The following ATP6V1H variants were observed in gnomAD, a reference collection of about 807,000 sequenced individuals.
ATP6V1H encodes the protein ATPase H+ transporting V1 subunit H.
Under a neutral mutation model 71.7 loss-of-function variants are expected in ATP6V1H, and 39 were observed. The ratio of observed to expected loss-of-function variants is 0.54; its 90% CI spans 0.42 to 0.71. ATP6V1H has a LOEUF of 0.71. ATP6V1H is among the 30% of genes least tolerant of loss of function. The probability of loss-of-function intolerance (pLI) is 0.00; values close to 1 mark genes in which losing one functional copy is unlikely to be tolerated. For missense variants in ATP6V1H, 509 were observed against 594.9 expected (o/e 0.86, Z 1.50); for synonymous variants, 192 against 199.3 (o/e 0.96, Z 0.31).
At chr8:53,834,888 T>G (rs940298301) in intron 2 of ATP6V1H, among the ~76,000 whole-genome samples, 1 of 147,000 alleles carries the variant, frequency 6.8e-6, no homozygotes, top group African/African-American at 2.5e-5. Flanking sequence ...ATGCCTGTAA[T>G]CCCAGCACTT....
intron 9 of ATP6V1H, among the ~76,000 whole-genome samples, chr8:53,783,757 G>A (rs2130372169): frequency 6.6e-6 from 1 of 152,250 alleles, no homozygotes; most frequent in African/African-American, 2.4e-5. Flanking sequence ...GTTCTCATTG[G>A]TTTCAAAGAA....
At chr8:53,819,890 C>T (rs1207755679) in intron 4 of ATP6V1H, among the ~76,000 whole-genome samples, 1 of 150,118 alleles carries the variant, frequency 6.7e-6, no homozygotes, top group Non-Finnish European at 1.5e-5. Flanking sequence ...ATACCAGCTA[C>T]CTAAATCTGA....
At chr8:53,759,447 T>C (rs1197493783) in intron 11 of ATP6V1H, among the ~76,000 whole-genome samples, 1 of 152,216 alleles carries the variant, frequency 6.6e-6, no homozygotes, top group East Asian at 1.9e-4. Flanking sequence ...AATAGATTCA[T>C]CAACCACAAT....
At position 53,790,188 on chromosome 8, in the gene ATP6V1H, A is replaced by G. The variant is rs554263096; in HGVS notation, c.870+5459T>C. 5.3e-4 allele frequency among the ~76,000 whole-genome samples: 80 copies of G among 152,354 alleles called. 3 individuals are homozygous for G. The highest frequency in any genetic ancestry group is 6.8e-3 in the Middle Eastern group (2 of 294). ...TGTTTTTACTTCTCTCTTAATTTTT[A>G]AAATGTGAACATTCAGTAACTGGGC... is the stretch of plus-strand genomic sequence containing the variant. On this transcript the variant is annotated intron_variant, in intron 9 of 13. Coordinates refer to ENST00000359530, the MANE Select transcript of ATP6V1H (RefSeq NM_015941.4).
At chr8:53,797,995 A>G (rs1425798293) in intron 8 of ATP6V1H, among the ~76,000 whole-genome samples, 2 of 152,238 alleles carry the variant, frequency 1.3e-5, no homozygotes, top group Non-Finnish European at 2.9e-5. Flanking sequence ...TACTTTGGGC[A>G]GTAGAGGCAA....
intron 13 of ATP6V1H, among the ~76,000 whole-genome samples, chr8:53,734,799 C>G (rs1226145476): frequency 6.6e-6 from 1 of 152,080 alleles, no homozygotes; most frequent in African/African-American, 2.4e-5. Context: ...CCCTCCTTCT[C>G]CCTCAAGCAC....
At chr8:53,726,163 G>C (rs1445451312) in intron 13 of ATP6V1H, among the ~76,000 whole-genome samples, 1 of 152,166 alleles carries the variant, frequency 6.6e-6, no homozygotes, top group African/African-American at 2.4e-5. Context: ...TTCAACAACA[G>C]TAAACTGCTG....
intron 10 of ATP6V1H, among the ~76,000 whole-genome samples, chr8:53,771,015 T>C (rs1228136416): frequency 1.3e-5 from 2 of 152,230 alleles, no homozygotes; most frequent in Non-Finnish European, 2.9e-5. Context: ...TGGGAAATCT[T>C]TGGGCCTTGG....
At chr8:53,724,800 C>T (rs1231352877) in intron 13 of ATP6V1H, among the ~76,000 whole-genome samples, 5 of 151,228 alleles carry the variant, frequency 3.3e-5, no homozygotes, top group Non-Finnish European at 7.4e-5. Context: ...CCTATCCTTC[C>T]GATTACTGTT....
At chr8:53,778,612 T>C (rs1421059864) in intron 9 of ATP6V1H, among the ~76,000 whole-genome samples, 1 of 152,096 alleles carries the variant, frequency 6.6e-6, no homozygotes, top group Non-Finnish European at 1.5e-5. Flanking sequence ...AATGAAATTT[T>C]TTAAAGGATG....
intron 8 of ATP6V1H, among the ~76,000 whole-genome samples, chr8:53,800,185 A>G (rs1028195610): frequency 2.6e-5 from 4 of 152,228 alleles, no homozygotes; most frequent in African/African-American, 9.6e-5. Flanking sequence ...GGAAGAGAGC[A>G]TAAGGGAGCC....
intron 12 of ATP6V1H, among the ~76,000 whole-genome samples, chr8:53,754,850 G>T (rs1807941516): frequency 6.6e-6 from 1 of 152,122 alleles, no homozygotes; most frequent in African/African-American, 2.4e-5. Flanking sequence ...TCAAATAATT[G>T]AGTCCTTATT....
At chr8:53,828,448 C>T (rs138288566) in intron 4 of ATP6V1H, among the ~76,000 whole-genome samples, 62 of 152,306 alleles carry the variant, frequency 4.1e-4, no homozygotes, top group African/African-American at 1.4e-3. Context: ...TGAGCAACCA[C>T]GGTCCGCATG....
At chr8:53,769,882 G>C (rs1241959318) in intron 10 of ATP6V1H, 139 bp from the exon 11 acceptor site, 3 of 708,968 alleles carry the variant, frequency 4.2e-6, no homozygotes, top group Non-Finnish European at 4.4e-6. Flanking sequence ...ACCACCAAAC[G>C]AACTTTAAAC....
intron 6 of ATP6V1H, among the ~76,000 whole-genome samples, chr8:53,814,259 A>T (rs1485480154): frequency 6.6e-6 from 1 of 152,182 alleles, no homozygotes; most frequent in Non-Finnish European, 1.5e-5. Flanking sequence ...CTGCGCCTGG[A>T]AATCTCTCGG....
chr8:53,745,963 A>G (rs1281025480), intron 12 of ATP6V1H, among the ~76,000 whole-genome samples: 3 of 152,182 alleles, frequency 2.0e-5, no homozygotes, highest in African/African-American at 7.2e-5. Flanking sequence ...CAAATTCACA[A>G]TTCTGGAACC....
intron 11 of ATP6V1H, 122 bp from the exon 12 acceptor site, chr8:53,756,778 C>T: frequency 3.3e-6 from 2 of 603,662 alleles, no homozygotes; most frequent in East Asian, 2.9e-5. Flanking sequence ...TCATATTCTT[C>T]TAAGGATTTC....
At chr8:53,760,889 G>A (rs1475130541) in intron 11 of ATP6V1H, among the ~76,000 whole-genome samples, 1 of 152,148 alleles carries the variant, frequency 6.6e-6, no homozygotes, top group African/African-American at 2.4e-5. Flanking sequence ...CCTTAAGACT[G>A]TTTTTCCCAA....
At chr8:53,750,686 C>G (rs894922457) in intron 12 of ATP6V1H, among the ~76,000 whole-genome samples, 1 of 151,946 alleles carries the variant, frequency 6.6e-6, no homozygotes, top group African/African-American at 2.4e-5. Flanking sequence ...GAGAAAAGGA[C>G]AAAACTGCAA....
Sources: allele counts gnomAD v4.1 joint callset (sites outside exome capture counted in the v4.1 genomes callset), GRCh38; gene constraint gnomAD v4.1.1; transcripts MANE v1.5; gene names NCBI Gene and HGNC (gene_info 2026-07-23, HGNC 2026-07-21).